UBR2: variants seen among roughly 807,000 people sequenced by gnomAD.
The protein encoded by UBR2 is E3 ubiquitin-protein ligase UBR2.
Under a neutral mutation model 247.9 loss-of-function variants are expected in UBR2, and 92 were observed. The observed-to-expected ratio is 0.37, with a 90% CI of 0.31 to 0.44. The LOEUF (loss-of-function observed/expected upper bound fraction) is 0.44, where lower values mean the gene tolerates loss of function less well. UBR2 is among the 20% of genes least tolerant of loss of function. UBR2 has a pLI of 1.00. For missense variants in UBR2, 1,613 were observed against 2,112.6 expected (o/e 0.76, Z 4.64); for synonymous variants, 672 against 693.5 (o/e 0.97, Z 0.49).
intron 37 of UBR2, 41 bp downstream of exon 37, chr6:42,673,928 C>T: frequency 6.5e-7 from 1 of 1,539,014 alleles, no homozygotes; most frequent in Non-Finnish European, 8.9e-7. Flanking sequence ...AATTTTTCAT[C>T]CTCTGAAATT....
In UBR2 at chr6:42,634,288, C is replaced by T. The variant is rs1384179671; in HGVS notation, c.1546-1130C>T. 5 of 423,902 alleles carry T rather than the reference C, an allele frequency of 1.2e-5. No individual in the cohort carries two copies. The East Asian group carries it at 2.3e-4, about 19-fold the overall frequency. The allele number at this position is 423,902 out of a possible 1,614,324, so 26.3% of individuals were successfully genotyped here. On this transcript the variant is annotated intron_variant, in intron 13 of 46. Coordinates refer to ENST00000372901, the MANE Select transcript of UBR2 (RefSeq NM_001363705.2). ...ACAAAACAGAATCTAGAAGTAGAAA[C>T]GAACAGGTATATTTAACCAGTTATA...
intron 2 of UBR2, among the ~76,000 whole-genome samples, chr6:42,580,568 C>G (rs1319151986): frequency 1.3e-5 from 2 of 151,080 alleles, no homozygotes; most frequent in Non-Finnish European, 2.9e-5. Flanking sequence ...TTGAGACAGT[C>G]TCATGCTGTT....
At chr6:42,641,186 A>G (rs1188427440) in intron 16 of UBR2, among the ~76,000 whole-genome samples, 1 of 152,172 alleles carries the variant, frequency 6.6e-6, no homozygotes, top group South Asian at 2.1e-4. Flanking sequence ...AAATAAGGCC[A>G]GGCACAGTGG....
intron 37 of UBR2, 48 bp from the exon 38 acceptor site, chr6:42,674,078 C>A: frequency 6.4e-7 from 1 of 1,559,260 alleles, no homozygotes; most frequent in Non-Finnish European, 8.8e-7. Context: ...TGCATTTTAA[C>A]ATGTTGGCAT....
chr6:42,582,625 C>CT lies in UBR2; in HGVS notation c.338+8641dup, dbSNP rs553138036. On this transcript the variant is annotated intron_variant, in intron 2 of 46. Transcript: ENST00000372901. ...CTTACCAATAGGTGATGTTGTCAGA[C>CT]TTTTTTTTTAACAAAACAGGAAGAC... 4.8e-3 allele frequency among the ~76,000 whole-genome samples: 725 copies of CT among 150,808 alleles called. 3 individuals carry two copies. The highest frequency in any genetic ancestry group is 0.014 in the African/African-American group (591 of 41,164).
chr6:42,626,439 A>C (rs796903670), intron 11 of UBR2, among the ~76,000 whole-genome samples: 7 of 152,348 alleles, frequency 4.6e-5, no homozygotes, highest in African/African-American at 1.7e-4. Context: ...ACTTTACAGA[A>C]GGGAAATGTA....
At chr6:42,642,685 A>G (rs772118109) in intron 18 of UBR2, among the ~76,000 whole-genome samples, 13 of 152,296 alleles carry the variant, frequency 8.5e-5, no homozygotes, top group East Asian at 1.9e-4. Flanking sequence ...AAACGTATTC[A>G]GAATAACTCC....
intron 7 of UBR2, among the ~76,000 whole-genome samples, chr6:42,609,002 G>T (rs1038921476): frequency 2.0e-5 from 3 of 152,086 alleles, no homozygotes; most frequent in Non-Finnish European, 4.4e-5. Flanking sequence ...AGATTATCAA[G>T]TAGGGAACAA....
chr6:42,650,175 C>A, intron 22 of UBR2, 109 bp from the exon 23 acceptor site: 1 of 827,600 alleles, frequency 1.2e-6, no homozygotes, highest in Non-Finnish European at 1.9e-6. Flanking sequence ...GCTTAACACC[C>A]ACCAGCAGTA....
intron 32 of UBR2, among the ~76,000 whole-genome samples, chr6:42,663,885 G>A (rs953567800): frequency 2.6e-5 from 4 of 152,292 alleles, no homozygotes; most frequent in Non-Finnish European, 4.4e-5. Flanking sequence ...TCAGCTGGGC[G>A]TTGTGGCTCA....
At chr6:42,658,560 G>A in intron 28 of UBR2, 86 bp from the exon 29 acceptor site, 1 of 1,277,920 alleles carries the variant, frequency 7.8e-7, no homozygotes, top group Non-Finnish European at 1.1e-6. Context: ...TTTTTTAATT[G>A]GTATTTACAG....
At chr6:42,609,882 T>A in intron 7 of UBR2, among the ~76,000 whole-genome samples, 5 of 134,158 alleles carry the variant, frequency 3.7e-5, no homozygotes, top group Admixed American at 7.8e-5. Context: ...GGCAACAGAG[T>A]GAAACCCTGT....
chr6:42,684,910 G>T, intron 44 of UBR2, 39 bp downstream of exon 44: 1 of 1,515,336 alleles, frequency 6.6e-7, no homozygotes, highest in Admixed American at 1.8e-5. Flanking sequence ...CCCTGCCACT[G>T]GAAACACCTC....
chr6:42,571,769 A>G (rs1284122886), intron 1 of UBR2, among the ~76,000 whole-genome samples: 1 of 148,596 alleles, frequency 6.7e-6, no homozygotes, highest in Non-Finnish European at 1.5e-5. Context: ...GCTTAGGATC[A>G]TTTGACTACC....
intron 46 of UBR2, 33 bp from the exon 47 acceptor site, chr6:42,690,999 A>C: frequency 6.2e-7 from 1 of 1,612,052 alleles, no homozygotes; most frequent in Non-Finnish European, 8.5e-7. Flanking sequence ...TAAACAGAAC[A>C]CATTCTGAGT....
intron 22 of UBR2, among the ~76,000 whole-genome samples, chr6:42,649,356 C>T (rs764531618): frequency 1.3e-5 from 2 of 152,134 alleles, no homozygotes; most frequent in Admixed American, 6.5e-5. Context: ...CTAACCTCTT[C>T]CCTATAATAC....
chr6:42,671,909 C>T (rs1798464420), intron 36 of UBR2, among the ~76,000 whole-genome samples: 1 of 152,132 alleles, frequency 6.6e-6, no homozygotes, highest in Non-Finnish European at 1.5e-5. Context: ...TGTAGGTTAT[C>T]TCTGCCTATT....
At chr6:42,640,687 A>G (rs553467617) in intron 16 of UBR2, among the ~76,000 whole-genome samples, 2 of 152,152 alleles carry the variant, frequency 1.3e-5, no homozygotes, top group East Asian at 3.9e-4. Flanking sequence ...AAGCCCACCC[A>G]TGTTTGGAGG....
chr6:42,665,646 TA>T, intron 33 of UBR2, 134 bp downstream of exon 33: 1 of 681,618 alleles, frequency 1.5e-6, no homozygotes, highest in Non-Finnish European at 2.5e-6. Context: ...CTTGTCTTAA[TA>T]AACTAAATTT....
Sources: gnomAD v4.1 joint callset for allele counts (sites outside exome capture counted in the v4.1 genomes callset) on GRCh38, gnomAD v4.1.1 for gene constraint, MANE v1.5 for transcripts, NCBI Gene and HGNC (gene_info 2026-07-23, HGNC 2026-07-21) for gene names.